Variants in HSF5 observed in about 807,000 individuals in gnomAD.
The protein encoded by HSF5 is heat shock factor protein 5.
In HSF5, 5 loss-of-function variants were observed where a neutral mutation model predicts 50.8. That is an observed-to-expected ratio of 0.10 (90% CI 0.05 to 0.21). HSF5 has a LOEUF of 0.21. Ranked by LOEUF, HSF5 falls within the 10% of genes least tolerant of loss-of-function variation. The pLI is 1.00. For synonymous variants in HSF5, 307 were observed against 307.4 expected, an observed-to-expected ratio of 1.00 and a Z score of 0.02; for missense variants, 564 against 762.6, an observed-to-expected ratio of 0.74 and a Z score of 3.07.
chr17:58,423,384 C>CGTCTATA (rs773179955), intron 5 of HSF5, among the ~76,000 whole-genome samples: 1 of 151,716 alleles, frequency 6.6e-6, no homozygotes, highest in Non-Finnish European at 1.5e-5. Context: ...TGAGCTAAAA[C>CGTCTATA]GTCTATAGAG....
Position 58,443,946 on chromosome 17 carries a change from G to A in HSF5, c.1720+14822C>T, listed in dbSNP as rs138200460. ...TACAAGGAGAATGTATTTGTGCACT[G>A]TTTGTGAGATTAAAACTTAAAAGTA... On this transcript the variant is annotated intron_variant, in intron 5 of 5. Coordinates refer to ENST00000323777, the MANE Select transcript of HSF5 (RefSeq NM_001080439.3). Among the ~76,000 whole-genome samples, 12 of 152,306 alleles carry A rather than the reference G, an allele frequency of 7.9e-5. No individual in the cohort carries two copies. In the East Asian group the frequency reaches 2.3e-3, roughly 29 times the overall value.
At chr17:58,453,965 G>A (rs1162220262) in intron 5 of HSF5, among the ~76,000 whole-genome samples, 2 of 151,994 alleles carry the variant, frequency 1.3e-5, no homozygotes, top group East Asian at 1.9e-4. Flanking sequence ...ATGGTGGCAC[G>A]CGCCTGTAGT....
At chr17:58,459,166 T>A (rs1399435557) in intron 4 of HSF5, among the ~76,000 whole-genome samples, 3 of 152,056 alleles carry the variant, frequency 2.0e-5, no homozygotes, top group Admixed American at 6.6e-5. Context: ...ATATCTACCA[T>A]GAAGCTTGTT....
In HSF5 at chr17:58,458,911, C is replaced by G. The variant is rs1225872264; in HGVS notation, c.1577G>C (p.Arg526Pro). The G allele has an allele frequency of 6.2e-7, 1 of 1,613,490 alleles. No homozygotes were observed. The highest frequency in any genetic ancestry group is 8.5e-7 in the Non-Finnish European group (1 of 1,179,816). ...CTGTTCTGACGGCAAGATATTCTCA[C>G]GTGAACTGGTCTGGCATTTTATGTT... is the stretch of plus-strand genomic sequence containing the variant. ...DANIKCQTSS[R>P]ENILPSEQMG... The change falls in exon 5 of 6, where the codon CGT (arginine) becomes CCT (proline). Residue 526 changes from arginine to proline, a missense_variant. Physicochemically the swap from Arg to Pro is moderately radical, Grantham distance 103. This residue lies in a region of HSF5 where 441 missense variants were observed against 533.6 expected (regional missense o/e 0.83). Transcript: ENST00000323777.
chr17:58,483,421 T>C (rs1460803795), intron 1 of HSF5, among the ~76,000 whole-genome samples: 1 of 152,246 alleles, frequency 6.6e-6, no homozygotes, highest in Non-Finnish European at 1.5e-5. Flanking sequence ...GGTTACTTCA[T>C]AGGGCTCAAT....
At chr17:58,453,755 C>G (rs1442240478) in intron 5 of HSF5, among the ~76,000 whole-genome samples, 1 of 152,132 alleles carries the variant, frequency 6.6e-6, no homozygotes, top group East Asian at 1.9e-4. Flanking sequence ...ATGAAAACCA[C>G]ATGATCATTT....
chr17:58,487,644 G>A, intron 1 of HSF5, 81 bp downstream of exon 1: 2 of 1,340,328 alleles, frequency 1.5e-6, no homozygotes, highest in East Asian at 3.0e-5. Flanking sequence ...GAGGACGTGC[G>A]AAAATGCGCC....
At chr17:58,456,181 AC>A (rs1567911853) in intron 5 of HSF5, among the ~76,000 whole-genome samples, 2 of 151,714 alleles carry the variant, frequency 1.3e-5, no homozygotes, top group African/African-American at 2.4e-5. Flanking sequence ...ACACACACAC[AC>A]ACACACACAC....
At position 58,437,738 on chromosome 17, in the gene HSF5, C is replaced by T. The variant is rs182179117; in HGVS notation, c.1721-15308G>A. 1.7e-3 allele frequency among the ~76,000 whole-genome samples: 259 copies of T among 152,314 alleles called. 1 individual carries two copies. The highest frequency in any genetic ancestry group is 5.9e-3 in the African/African-American group (244 of 41,574). Reference sequence around the variant, plus strand: ...CACTTACTGTCTTTCCAGGTCACAACACATCAAGCTACTTCAGTTTCTTAA... The same window carrying T: ...CACTTACTGTCTTTCCAGGTCACAATACATCAAGCTACTTCAGTTTCTTAA... On this transcript the variant is annotated intron_variant, in intron 5 of 5. Transcript: ENST00000323777.
At chr17:58,461,527 A>G (rs958773596) in intron 4 of HSF5, among the ~76,000 whole-genome samples, 1 of 152,200 alleles carries the variant, frequency 6.6e-6, no homozygotes, top group Admixed American at 6.5e-5. Flanking sequence ...GGCTAAGATC[A>G]AGAAAAAAAT....
chr17:58,431,112 T>C (rs912657736), intron 5 of HSF5, among the ~76,000 whole-genome samples: 1 of 152,142 alleles, frequency 6.6e-6, no homozygotes, highest in Non-Finnish European at 1.5e-5. Context: ...CTTCAGAAGC[T>C]CTCTTCTCTT....
intron 2 of HSF5, among the ~76,000 whole-genome samples, chr17:58,473,276 TAA>T (rs1274616539): frequency 6.6e-6 from 1 of 151,940 alleles, no homozygotes; most frequent in Non-Finnish European, 1.5e-5. Context: ...TATGTGTTAA[TAA>T]AAAAAGAGAT....
intron 2 of HSF5, among the ~76,000 whole-genome samples, chr17:58,471,164 T>C (rs1010059953): frequency 1.3e-5 from 2 of 152,160 alleles, no homozygotes; most frequent in Non-Finnish European, 2.9e-5. Flanking sequence ...ATGTACTTAA[T>C]GTTGCAAAAC....
chr17:58,424,329 G>A (rs781705111), intron 5 of HSF5, among the ~76,000 whole-genome samples: 7 of 152,064 alleles, frequency 4.6e-5, no homozygotes, highest in Non-Finnish European at 8.8e-5. Flanking sequence ...GGAATAAAGC[G>A]GGACCAGGAG....
rs578038046 is a variant in HSF5, at chr17:58,421,761, C to T, written c.*599G>A. ...TTAAGTGTGATAGATGGTCCAAGTC[C>T]GGATGCCTTGCTCTTAAAACAGAAT... On this transcript the variant is annotated 3_prime_UTR_variant, in exon 6 of 6. Coordinates refer to ENST00000323777, the MANE Select transcript of HSF5 (RefSeq NM_001080439.3). The T allele has an allele frequency of 2.0e-5, 3 of 152,520 alleles. No individual in the cohort carries two copies. The highest frequency in any genetic ancestry group is 4.8e-5 in the African/African-American group (2 of 41,534). The allele number at this position is 152,520 out of a possible 1,614,324, so 9.4% of individuals were successfully genotyped here. A position where few individuals can be genotyped will look rare whatever the true frequency, so the allele number is the denominator to read the frequency against.
intron 5 of HSF5, among the ~76,000 whole-genome samples, chr17:58,425,572 T>C (rs1203522338): frequency 1.9e-5 from 1 of 52,466 alleles, no homozygotes; most frequent in East Asian, 3.9e-4. Flanking sequence ...AAGACCTCTA[T>C]CTCAAAAAAA....
intron 4 of HSF5, among the ~76,000 whole-genome samples, chr17:58,461,611 C>T (rs1229832641): frequency 6.6e-6 from 1 of 152,176 alleles, no homozygotes; most frequent in Admixed American, 6.5e-5. Flanking sequence ...GTGGCTCATG[C>T]CTGTAATCCC....
Position 58,457,025 on chromosome 17 carries a change from G to C in HSF5, c.1720+1743C>G, listed in dbSNP as rs367788116. Among the ~76,000 whole-genome samples the C allele has an allele frequency of 5.3e-5, 8 of 150,322 alleles. No homozygotes were observed. In the South Asian group the frequency reaches 1.7e-3, roughly 31 times the overall value. ...TGCAATCCCAGCACTGTGGGAGGCC[G>C]AGGCAGGCAGATCACCTGAGGTCAG... On this transcript the variant is annotated intron_variant, in intron 5 of 5. Coordinates refer to ENST00000323777, the MANE Select transcript of HSF5 (RefSeq NM_001080439.3).
intron 5 of HSF5, among the ~76,000 whole-genome samples, chr17:58,440,274 G>A (rs1598184370): frequency 6.6e-6 from 1 of 152,160 alleles, no homozygotes; most frequent in Non-Finnish European, 1.5e-5. Flanking sequence ...AAATGTCAGA[G>A]ACTGGGCTTG....
Sources: gnomAD v4.1 joint callset for allele counts (sites outside exome capture counted in the v4.1 genomes callset) on GRCh38, gnomAD v4.1.1 for gene constraint, gnomAD v4.1.1 regional missense constraint, MANE v1.5 for transcripts, NCBI Gene and HGNC (gene_info 2026-07-23, HGNC 2026-07-21) for gene names.